The following FAM107B variants were observed in gnomAD, a reference collection of about 807,000 sequenced individuals.
FAM107B encodes the protein family with sequence similarity 107 member B, also known as protein FAM107B.
A neutral mutation model predicts 31.5 loss-of-function variants in FAM107B; 21 were observed. The ratio of observed to expected loss-of-function variants is 0.67; its 90% CI spans 0.47 to 0.96. The LOEUF is 0.96. Among genes scored for constraint, FAM107B ranks in the 40% least tolerant of loss-of-function variants. FAM107B has a pLI of 0.00. For missense variants in FAM107B, 452 were observed against 377.1 expected (o/e 1.20, Z -1.64); for synonymous variants, 157 against 141.5 (o/e 1.11, Z -0.78).
intron 1 of FAM107B, among the ~76,000 whole-genome samples, chr10:14,773,932 A>C (rs375695321): frequency 4.5e-4 from 69 of 152,300 alleles, no homozygotes; most frequent in African/African-American, 1.5e-3. Flanking sequence ...AAAGGAAAAA[A>C]ATGTTTTTGT....
chr10:14,696,191 A>G (rs1334865020), intron 1 of FAM107B, among the ~76,000 whole-genome samples: 1 of 152,240 alleles, frequency 6.6e-6, no homozygotes, highest in South Asian at 2.1e-4. Context: ...ATCAAGAAAG[A>G]ATGTTGAGCA....
chr10:14,589,350 C>T (rs935433606), intron 2 of FAM107B, among the ~76,000 whole-genome samples: 1 of 152,092 alleles, frequency 6.6e-6, no homozygotes, highest in Non-Finnish European at 1.5e-5. Context: ...AATCTGAAAG[C>T]TTTTTCAAAT....
At chr10:14,569,905 G>A (rs1186718567) in intron 2 of FAM107B, among the ~76,000 whole-genome samples, 1 of 152,216 alleles carries the variant, frequency 6.6e-6, no homozygotes, top group Non-Finnish European at 1.5e-5. Context: ...CAACCAGGCA[G>A]GCTGGGCGAG....
rs141735992 is a variant in FAM107B, at chr10:14,528,452, G to A, written c.653+1880C>T. On this transcript the variant is annotated intron_variant, in intron 3 of 4. Transcript: ENST00000181796. ...CTGCCTTGGCTTCTCAAAGTGGTGGGATTACAGGCGTGATCCACGGTGCCC... is the reference window on the plus strand; with the variant it reads ...CTGCCTTGGCTTCTCAAAGTGGTGGAATTACAGGCGTGATCCACGGTGCCC... 8.6e-3 allele frequency among the ~76,000 whole-genome samples: 1,304 copies of A among 152,186 alleles called. 29 individuals are homozygous for A. The highest frequency in any genetic ancestry group is 0.029 in the African/African-American group (1,221 of 41,524).
intron 1 of FAM107B, chr10:14,723,516 C>A: frequency 1.6e-6 from 1 of 613,584 alleles, no homozygotes; most frequent in South Asian, 1.6e-5. Flanking sequence ...ACAAAACTTC[C>A]CAGGCCAGCA....
chr10:14,710,443 C>T (rs2688829), intron 1 of FAM107B, among the ~76,000 whole-genome samples: 143 of 33,288 alleles, frequency 4.3e-3, no homozygotes, highest in African/African-American at 9.6e-3. Context: ...CACACACACA[C>T]ACACACACAC....
At chr10:14,533,438 G>C (rs542921790) in intron 2 of FAM107B, among the ~76,000 whole-genome samples, 5 of 152,122 alleles carry the variant, frequency 3.3e-5, no homozygotes, top group Non-Finnish European at 7.4e-5. Context: ...AGGACGTGTC[G>C]AGTCTGAGAC....
intron 2 of FAM107B, among the ~76,000 whole-genome samples, chr10:14,618,591 C>T (rs1451625959): frequency 6.6e-6 from 1 of 151,762 alleles, no homozygotes; most frequent in Admixed American, 6.6e-5. Context: ...AATCCCAGCA[C>T]TTTGGGAGGC....
chr10:14,539,497 AC>A (rs1470641116), intron 2 of FAM107B, among the ~76,000 whole-genome samples: 1 of 152,208 alleles, frequency 6.6e-6, no homozygotes, highest in African/African-American at 2.4e-5. Context: ...TTAAAAAAAA[AC>A]AAAGCAGTTC....
intron 2 of FAM107B, among the ~76,000 whole-genome samples, chr10:14,593,313 G>C (rs1852078871): frequency 6.6e-6 from 1 of 152,104 alleles, no homozygotes. Flanking sequence ...AATTCCATTT[G>C]AGAAAGTTTA....
At chr10:14,560,637 A>G (rs1850163103) in intron 2 of FAM107B, among the ~76,000 whole-genome samples, 1 of 152,200 alleles carries the variant, frequency 6.6e-6, no homozygotes, top group South Asian at 2.1e-4. Flanking sequence ...GGGCCTCAGC[A>G]AGAGACAGGT....
chr10:14,599,973 G>A (rs573419807), intron 2 of FAM107B, among the ~76,000 whole-genome samples: 2 of 151,994 alleles, frequency 1.3e-5, no homozygotes, highest in Admixed American at 1.3e-4. Context: ...CAAAAAGTCA[G>A]TCCCAAAGTC....
intron 2 of FAM107B, among the ~76,000 whole-genome samples, chr10:14,560,034 T>C (rs544742531): frequency 7.2e-5 from 11 of 152,278 alleles, no homozygotes; most frequent in East Asian, 1.9e-4. Flanking sequence ...CCCAATCTCA[T>C]TGCAACCTGC....
chr10:14,614,676 C>CAAAAAAAA (rs576366601), intron 2 of FAM107B, among the ~76,000 whole-genome samples: 1 of 56,304 alleles, frequency 1.8e-5, no homozygotes. Context: ...GACTCTGTCT[C>CAAAAAAAA]AAAAAAAAAA....
At chr10:14,603,691 G>C (rs1231340927) in intron 2 of FAM107B, among the ~76,000 whole-genome samples, 1 of 152,212 alleles carries the variant, frequency 6.6e-6, no homozygotes. Context: ...GGGTTCACTG[G>C]AACAGGGGAG....
At chr10:14,694,449 T>A (rs1055702208) in intron 1 of FAM107B, among the ~76,000 whole-genome samples, 1 of 152,194 alleles carries the variant, frequency 6.6e-6, no homozygotes, top group Non-Finnish European at 1.5e-5. Flanking sequence ...AGTGGTGTGA[T>A]CTTGGCTCAC....
chr10:14,524,919 G>A (rs781758566), intron 3 of FAM107B, among the ~76,000 whole-genome samples: 21 of 152,178 alleles, frequency 1.4e-4, no homozygotes, highest in Non-Finnish European at 2.9e-4. Context: ...CTATTACACA[G>A]TATTCATTTT....
intron 2 of FAM107B, among the ~76,000 whole-genome samples, chr10:14,639,445 T>G (rs1367981334): frequency 1.3e-5 from 2 of 152,218 alleles, no homozygotes; most frequent in Admixed American, 6.5e-5. Flanking sequence ...AAAAGCTGCC[T>G]GATTTTTGGT....
At chr10:14,542,345 A>T (rs1002863370) in intron 2 of FAM107B, among the ~76,000 whole-genome samples, 7 of 151,518 alleles carry the variant, frequency 4.6e-5, no homozygotes, top group African/African-American at 1.7e-4. Context: ...GAAGGAACTC[A>T]CCCCACCAAG....
Sources: gnomAD v4.1 joint callset for allele counts (sites outside exome capture counted in the v4.1 genomes callset) on GRCh38, gnomAD v4.1.1 for gene constraint, MANE v1.5 for transcripts, NCBI Gene and HGNC (gene_info 2026-07-23, HGNC 2026-07-21) for gene names.